The following MACROD2 variants were observed in gnomAD, a reference collection of about 807,000 sequenced individuals.
The protein encoded by MACROD2 is mono-ADP ribosylhydrolase 2.
In MACROD2, 36 loss-of-function variants were observed where a neutral mutation model predicts 70.4. The observed-to-expected ratio is 0.51, with a 90% confidence interval of 0.39 to 0.68. The LOEUF (loss-of-function observed/expected upper bound fraction) is 0.68. MACROD2 is among the 30% of genes least tolerant of loss of function. The pLI is 0.00. For synonymous variants in MACROD2, 172 were observed against 178.8 expected (o/e 0.96, Z 0.30); for missense variants, 496 against 538.4 (o/e 0.92, Z 0.78).
intron 8 of MACROD2, among the ~76,000 whole-genome samples, chr20:15,766,399 A>G (rs1037130825): frequency 2.2e-4 from 34 of 152,192 alleles, no homozygotes; most frequent in African/African-American, 7.5e-4. Flanking sequence ...GTTATTTCAT[A>G]AACAGTCAGA....
intron 7 of MACROD2, among the ~76,000 whole-genome samples, chr20:15,449,387 T>G (rs1201856810): frequency 6.6e-6 from 1 of 152,110 alleles, no homozygotes; most frequent in African/African-American, 2.4e-5. Context: ...GGGCATTTTT[T>G]AAAAGGAGTG....
At chr20:15,167,584 T>C (rs1235856553) in intron 5 of MACROD2, among the ~76,000 whole-genome samples, 1 of 152,182 alleles carries the variant, frequency 6.6e-6, no homozygotes, top group Non-Finnish European at 1.5e-5. Context: ...CCTCCCCTGC[T>C]CTCATTATCT....
At chr20:14,274,022 G>C (rs2082225548) in intron 3 of MACROD2, among the ~76,000 whole-genome samples, 1 of 150,174 alleles carries the variant, frequency 6.7e-6, no homozygotes. Flanking sequence ...CAACCAAAAA[G>C]AGTCCAGGAC....
intron 6 of MACROD2, among the ~76,000 whole-genome samples, chr20:15,345,934 T>C (rs1390080809): frequency 6.6e-6 from 1 of 152,122 alleles, no homozygotes; most frequent in Non-Finnish European, 1.5e-5. Context: ...GGAAGTTGCA[T>C]AGCCAAGTAG....
intron 5 of MACROD2, among the ~76,000 whole-genome samples, chr20:15,202,250 C>T (rs2076662966): frequency 6.6e-6 from 1 of 152,166 alleles, no homozygotes; most frequent in African/African-American, 2.4e-5. Flanking sequence ...TCTTTGATGA[C>T]AGTGTGGTGG....
intron 7 of MACROD2, among the ~76,000 whole-genome samples, chr20:15,466,632 G>C (rs2046893484): frequency 6.6e-6 from 1 of 152,172 alleles, no homozygotes; most frequent in Non-Finnish European, 1.5e-5. Flanking sequence ...ATTCCAGTCT[G>C]ATTTCTCTCT....
intron 5 of MACROD2, among the ~76,000 whole-genome samples, chr20:15,129,175 A>C (rs954902904): frequency 2.0e-5 from 3 of 152,158 alleles, no homozygotes; most frequent in Middle Eastern, 3.4e-3. Context: ...TTATTTTGGA[A>C]AATTTTTTAA....
chr20:15,820,317 A>AGTATT (rs1169699061), intron 8 of MACROD2, among the ~76,000 whole-genome samples: 1 of 151,942 alleles, frequency 6.6e-6, no homozygotes, highest in African/African-American at 2.4e-5. Context: ...CAGCCCCTTG[A>AGTATT]GTATTTGGGA....
intron 3 of MACROD2, among the ~76,000 whole-genome samples, chr20:14,274,550 G>T (rs969074926): frequency 1.4e-4 from 21 of 152,164 alleles, no homozygotes; most frequent in Non-Finnish European, 1.2e-4. Flanking sequence ...ATACTGAATG[G>T]GCAAAAACTG....
intron 3 of MACROD2, among the ~76,000 whole-genome samples, chr20:14,215,337 T>TACAC (rs199684417): frequency 0.17 from 22,746 of 130,734 alleles, 2,227 homozygotes; most frequent in Non-Finnish European, 0.23. Flanking sequence ...CCATCATATA[T>TACAC]ACACACACAC....
intron 5 of MACROD2, among the ~76,000 whole-genome samples, chr20:14,863,855 A>G (rs1248567224): frequency 6.6e-6 from 1 of 152,132 alleles, no homozygotes; most frequent in East Asian, 1.9e-4. Context: ...GCCAGGATTC[A>G]GACCTTGGTT....
At chr20:15,136,415 A>G (rs1355289960) in intron 5 of MACROD2, among the ~76,000 whole-genome samples, 3 of 152,172 alleles carry the variant, frequency 2.0e-5, no homozygotes, top group Non-Finnish European at 4.4e-5. Context: ...CCGCATATCT[A>G]CAACTATCTG....
chr20:15,367,893 A>G (rs1040627730), intron 6 of MACROD2, among the ~76,000 whole-genome samples: 6 of 152,032 alleles, frequency 3.9e-5, no homozygotes, highest in African/African-American at 9.7e-5. Flanking sequence ...TTTAAACTAT[A>G]TTTTATATAT....
chr20:14,698,802 T>A (rs182156984), intron 5 of MACROD2, among the ~76,000 whole-genome samples: 54 of 149,238 alleles, frequency 3.6e-4, no homozygotes, highest in African/African-American at 1.2e-3. Flanking sequence ...TTAATTATTT[T>A]AATAAATTTA....
chr20:15,116,020 G>T (rs1601094699), intron 5 of MACROD2, among the ~76,000 whole-genome samples: 1 of 152,238 alleles, frequency 6.6e-6, no homozygotes, highest in East Asian at 1.9e-4. Context: ...TTGAAAAGTA[G>T]AGAGAAGTAC....
At chr20:14,632,240 C>A (rs916270592) in intron 4 of MACROD2, among the ~76,000 whole-genome samples, 2 of 151,840 alleles carry the variant, frequency 1.3e-5, no homozygotes, top group African/African-American at 4.8e-5. Flanking sequence ...AAAAATCAGT[C>A]CTTCATTTTC....
intron 10 of MACROD2, among the ~76,000 whole-genome samples, chr20:15,932,009 AG>A (rs2065586892): frequency 6.6e-6 from 1 of 152,148 alleles, no homozygotes; most frequent in Non-Finnish European, 1.5e-5. Context: ...AAAGCACTCA[AG>A]CAAGACAACG....
intron 4 of MACROD2, chr20:14,626,966 A>C (rs1225398526): frequency 6.6e-6 from 1 of 152,252 alleles, no homozygotes; most frequent in Non-Finnish European, 1.5e-5. Flanking sequence ...AAGGGATAGT[A>C]GAGGATGGAG....
intron 7 of MACROD2, among the ~76,000 whole-genome samples, chr20:15,480,230 C>T (rs2047078116): frequency 6.6e-6 from 1 of 152,132 alleles, no homozygotes; most frequent in Admixed American, 6.5e-5. Flanking sequence ...ACCAATGTGT[C>T]TCATAATTAA....
Sources: gnomAD v4.1 joint callset for allele counts (sites outside exome capture counted in the v4.1 genomes callset) on GRCh38, gnomAD v4.1.1 for gene constraint, MANE v1.5 for transcripts, NCBI Gene and HGNC (gene_info 2026-07-23, HGNC 2026-07-21) for gene names.